AHCY: variants seen among roughly 807,000 people sequenced by gnomAD.
The protein encoded by AHCY is adenosylhomocysteinase, also known as S-adenosyl-L-homocysteine hydrolase.
Under a neutral mutation model 45.4 loss-of-function variants are expected in AHCY, and 24 were observed. That is an observed-to-expected ratio of 0.53 (90% CI 0.38 to 0.74). The LOEUF (loss-of-function observed/expected upper bound fraction) is 0.74. Among genes scored for constraint, AHCY ranks in the 30% least tolerant of loss-of-function variants. AHCY has a pLI of 0.00. For missense variants in AHCY, 449 were observed against 594.1 expected (o/e 0.76, Z 2.54); for synonymous variants, 245 against 235.1 (o/e 1.04, Z -0.39).
chr20:34,246,066 C>A, the AHCY span: 1 of 883,388 alleles, frequency 1.1e-6, no homozygotes, highest in Non-Finnish European at 1.9e-6. Context: ...TTTCATCCTC[C>A]CCATTACTGA....
the AHCY span, among the ~76,000 whole-genome samples, chr20:34,247,300 C>CTTT: frequency 7.5e-5 from 9 of 120,680 alleles, no homozygotes; most frequent in African/African-American, 9.2e-5. Flanking sequence ...TTATATGATG[C>CTTT]TTTTTTTTTT....
chr20:34,269,986 AAAAG>A, the AHCY span, among the ~76,000 whole-genome samples: 2 of 148,936 alleles, frequency 1.3e-5, no homozygotes, highest in Non-Finnish European at 3.0e-5. Flanking sequence ...AAAACAAGAA[AAAAG>A]AAAGAAATCC....
downstream of AHCY, among the ~76,000 whole-genome samples, chr20:34,279,904 A>T (rs2035951130): frequency 6.6e-6 from 1 of 152,118 alleles, no homozygotes; most frequent in Non-Finnish European, 1.5e-5. Flanking sequence ...GGAGTTCAAG[A>T]TCAGCCTGGC....
In AHCY at chr20:34,281,058, G is replaced by A; in HGVS notation, c.1275C>T (p.Phe425=). 6.2e-7 allele frequency: 1 copy of A among 1,614,176 alleles called. No homozygotes were observed. The highest frequency in any genetic ancestry group is 8.5e-7 in the Non-Finnish European group (1 of 1,180,026). ...QYLGMSCDGP[F]KPDHYRY ...CTCAGTAGCGGTAGTGATCCGGCTT[G>A]AAGGGGCCATCACAGGACATGCCCA... The change falls in exon 10 of 10, where the codon TTC becomes TTT. Residue 425 remains phenylalanine, a synonymous_variant. Transcript: ENST00000217426.
chr20:34,239,512 T>A, the AHCY span, among the ~76,000 whole-genome samples: 1 of 152,192 alleles, frequency 6.6e-6, no homozygotes, highest in Admixed American at 6.5e-5. Context: ...ACTTGGTGGG[T>A]CATATAATGA....
downstream of AHCY, among the ~76,000 whole-genome samples, chr20:34,277,046 C>T (rs998182430): frequency 1.3e-5 from 2 of 152,096 alleles, no homozygotes; most frequent in African/African-American, 4.8e-5. Flanking sequence ...GATCCGGCTT[C>T]CTGGAGTCCT....
the AHCY span, among the ~76,000 whole-genome samples, chr20:34,264,495 T>C: frequency 6.6e-6 from 1 of 152,220 alleles, no homozygotes. Context: ...AAGGGACCCA[T>C]ACTAGGTGCT....
chr20:34,232,066 C>T, the AHCY span, among the ~76,000 whole-genome samples: 1 of 152,174 alleles, frequency 6.6e-6, no homozygotes, highest in African/African-American at 2.4e-5. Context: ...CTGAGTCCAA[C>T]AGGGACAACA....
At chr20:34,285,720 A>C in intron 8 of AHCY, 86 bp from the exon 9 acceptor site, 1 of 1,485,392 alleles carries the variant, frequency 6.7e-7, no homozygotes, top group Non-Finnish European at 9.2e-7. Flanking sequence ...CTCTGCCTCC[A>C]ACAGTGCCCA....
the AHCY span, among the ~76,000 whole-genome samples, chr20:34,274,230 C>T: frequency 6.6e-6 from 1 of 152,202 alleles, no homozygotes; most frequent in Non-Finnish European, 1.5e-5. Context: ...GCAGCTACTT[C>T]ATGCCAGGCA....
At chr20:34,259,547 C>T in the AHCY span, among the ~76,000 whole-genome samples, 1 of 151,834 alleles carries the variant, frequency 6.6e-6, no homozygotes, top group South Asian at 2.1e-4. Context: ...ATATAAAATG[C>T]TTAGTCTGGC....
intron 2 of AHCY, 94 bp from the exon 3 acceptor site, chr20:34,294,250 G>T: frequency 8.8e-7 from 1 of 1,130,774 alleles, no homozygotes. Context: ...CGGGTAGTGG[G>T]GAGAGGCTTG....
downstream of AHCY, among the ~76,000 whole-genome samples, chr20:34,276,117 G>A (rs1229353059): frequency 2.0e-5 from 3 of 152,160 alleles, no homozygotes; most frequent in Non-Finnish European, 4.4e-5. Flanking sequence ...GGATAGCTGG[G>A]TCTCTTTTAC....
At chr20:34,269,949 A>T in the AHCY span, among the ~76,000 whole-genome samples, 1 of 32,860 alleles carries the variant, frequency 3.0e-5, no homozygotes, top group African/African-American at 1.4e-4. Context: ...TCTGTCTTAA[A>T]AAAAAAAAAA....
chr20:34,262,971 G>A, the AHCY span: 1 of 1,523,062 alleles, frequency 6.6e-7, no homozygotes, highest in Non-Finnish European at 9.0e-7. Context: ...CCAACCTCTG[G>A]CTAGGAACTA....
the AHCY span, among the ~76,000 whole-genome samples, chr20:34,243,583 G>A: frequency 6.6e-6 from 1 of 151,868 alleles, no homozygotes; most frequent in Non-Finnish European, 1.5e-5. Context: ...TGTTGATACA[G>A]GCACACAGAC....
chr20:34,266,615 G>GC, the AHCY span, among the ~76,000 whole-genome samples: 3 of 152,030 alleles, frequency 2.0e-5, no homozygotes, highest in Non-Finnish European at 2.9e-5. Context: ...GAAGGTTGCA[G>GC]TGAGCCGAGA....
upstream of AHCY, among the ~76,000 whole-genome samples, chr20:34,304,241 T>C (rs2036866765): frequency 6.6e-6 from 1 of 152,222 alleles, no homozygotes; most frequent in African/African-American, 2.4e-5. Context: ...CTCATGCATA[T>C]AGCTTGAGTA....
Position 34,295,428 on chromosome 20 carries a change from G to T in AHCY, c.186C>A (p.Val62=). The change falls in exon 2 of 10, where the codon GTC becomes GTA. Residue 62 remains valine, a synonymous_variant. Transcript: ENST00000217426. Reference sequence around the variant, plus strand: ...CCAGGGTGACGAGGGTCTCAATGAGGACGGCCGTCTCCACGGTCATGTGCA... The same window carrying T: ...CCAGGGTGACGAGGGTCTCAATGAGTACGGCCGTCTCCACGGTCATGTGCA... The part of the protein sequence containing the change: ...GCLHMTVETA[V]LIETLVTLGA... 1 of 1,614,112 alleles carries T rather than the reference G, an allele frequency of 6.2e-7. No individual in the cohort carries two copies. The highest frequency in any genetic ancestry group is 8.5e-7 in the Non-Finnish European group (1 of 1,179,990).
Sources: allele counts gnomAD v4.1 joint callset (sites outside exome capture counted in the v4.1 genomes callset), GRCh38; gene constraint gnomAD v4.1.1; transcripts MANE v1.5; gene names NCBI Gene and HGNC (gene_info 2026-07-23, HGNC 2026-07-21).